Variants in RGSL1 observed in about 807,000 individuals in gnomAD.
RGSL1 encodes regulator of G protein signaling like 1, also known as regulator of G protein signaling protein-like.
In RGSL1, 97 loss-of-function variants were observed where a neutral mutation model predicts 124.7. The observed-to-expected ratio is 0.78, with a 90% CI of 0.66 to 0.92. The LOEUF is 0.92. Among genes scored for constraint, RGSL1 ranks in the 40% least tolerant of loss-of-function variants. The pLI, the probability that RGSL1 is intolerant of heterozygous loss-of-function variation, is 0.00. For synonymous variants in RGSL1, 424 were observed against 438.1 expected, an observed-to-expected ratio of 0.97 and a Z score of 0.40; for missense variants, 1,233 against 1,288.4, an observed-to-expected ratio of 0.96 and a Z score of 0.66.
At chr1:182,453,446 G>A (rs1387591860) in intron 1 of RGSL1, 1 of 153,892 alleles carries the variant, frequency 6.5e-6, no homozygotes, top group Admixed American at 6.4e-5. Flanking sequence ...AGCATTTGAA[G>A]TATTTCAGTT....
intron 18 of RGSL1, 59 bp from the exon 19 acceptor site, chr1:182,553,396 A>G (rs1571722652): frequency 7.7e-7 from 1 of 1,302,214 alleles, no homozygotes; most frequent in East Asian, 2.5e-5. Context: ...ACTTAGAGAG[A>G]TTTATTTCAG....
upstream of RGSL1, chr1:182,448,073 G>C (rs1047569819): frequency 6.6e-6 from 1 of 151,974 alleles, no homozygotes; most frequent in Admixed American, 6.6e-5. Context: ...GAGACCTGCT[G>C]TCATTTCCAG....
chr1:182,477,381 A>G (rs1430428521), intron 6 of RGSL1, among the ~76,000 whole-genome samples: 8 of 152,194 alleles, frequency 5.3e-5, no homozygotes. Context: ...TTTCGGTCTC[A>G]TTAGACACGG....
At chr1:182,486,490 G>A (rs981478920) in intron 6 of RGSL1, among the ~76,000 whole-genome samples, 2 of 151,542 alleles carry the variant, frequency 1.3e-5, no homozygotes, top group African/African-American at 4.8e-5. Flanking sequence ...ATAGGTGCAC[G>A]CCACCATGCC....
intron 18 of RGSL1, among the ~76,000 whole-genome samples, chr1:182,551,730 A>T (rs565670897): frequency 7.5e-6 from 1 of 133,156 alleles, no homozygotes; most frequent in Admixed American, 7.6e-5. Flanking sequence ...ATAAGTAAAT[A>T]TGCATACATA....
chr1:182,502,020 G>A (rs540251596), intron 9 of RGSL1, among the ~76,000 whole-genome samples: 1 of 152,064 alleles, frequency 6.6e-6, no homozygotes, highest in Non-Finnish European at 1.5e-5. Context: ...CCATAAAATT[G>A]TTTATAGTAG....
Position 182,552,304 on chromosome 1 carries a change from G to A in RGSL1, c.3043+1095G>A, listed in dbSNP as rs529104002. On this transcript the variant is annotated intron_variant, in intron 18 of 21. Transcript: ENST00000294854. ...AATTTTTCGTATTTTTAGTAGAGAC[G>A]GGGGTTTCACCATGTTAGCCAGGAT... Among the ~76,000 whole-genome samples the A allele has an allele frequency of 2.0e-5, 3 of 151,986 alleles. No homozygotes were observed. In the East Asian group the frequency reaches 5.8e-4, roughly 30 times the overall value.
intron 15 of RGSL1, among the ~76,000 whole-genome samples, chr1:182,542,416 G>A (rs1659951955): frequency 6.6e-6 from 1 of 152,136 alleles, no homozygotes; most frequent in Admixed American, 6.6e-5. Context: ...CTGTTCCACA[G>A]GTCTATGTGT....
intron 9 of RGSL1, among the ~76,000 whole-genome samples, chr1:182,514,739 G>C (rs551025173): frequency 1.3e-5 from 2 of 152,254 alleles, no homozygotes; most frequent in Admixed American, 1.3e-4. Context: ...GACTGAAGCT[G>C]GATAGGACCT....
At chr1:182,553,832 C>A (rs1344403450) in intron 19 of RGSL1, among the ~76,000 whole-genome samples, 1 of 152,108 alleles carries the variant, frequency 6.6e-6, no homozygotes, top group African/African-American at 2.4e-5. Flanking sequence ...TCTGCTGACT[C>A]CTCTTCTCAT....
At chr1:182,532,039 C>T (rs753751225) in intron 13 of RGSL1, among the ~76,000 whole-genome samples, 2 of 152,116 alleles carry the variant, frequency 1.3e-5, no homozygotes, top group Non-Finnish European at 2.9e-5. Context: ...TGTTGTTTCC[C>T]TCTCTGTAGA....
Position 182,540,418 on chromosome 1 carries a change from A to C in RGSL1, c.2666A>C (p.Glu889Ala). 1 of 1,549,742 alleles carries C rather than the reference A, an allele frequency of 6.5e-7. No individual in the cohort carries two copies. The highest frequency in any genetic ancestry group is 8.7e-7 in the Non-Finnish European group (1 of 1,146,008). ...GATCTATATTTCTTTTCTGAAATGG[A>C]GAAGTAAGTTTTCCACTTCTCCTTC... is the stretch of plus-strand genomic sequence containing the variant. ...INDLYFFSEM[E>A]KFNDLVSSAH... The change falls in exon 15 of 22, where the codon GAG becomes GCG. Residue 889 changes from glutamate (E) to alanine (A), a missense_variant. Glu to Ala is a moderately radical substitution (Grantham distance 107). Coordinates refer to ENST00000294854, the MANE Select transcript of RGSL1 (RefSeq NM_001137669.2).
chr1:182,548,876 T>A (rs752606561), intron 17 of RGSL1, 52 bp downstream of exon 17: 7 of 1,540,696 alleles, frequency 4.5e-6, no homozygotes, highest in Non-Finnish European at 6.1e-6. Context: ...ACACACTTAG[T>A]TTGGAGAGAG....
In RGSL1 at chr1:182,554,760, T is replaced by C. The variant is rs748236174; in HGVS notation, c.3197+67T>C. ...CTATGTCCAAGCATGCAATAGGAGA[T>C]GGTATAAACTTTCCAGAGACTAGCC... is the stretch of plus-strand genomic sequence containing the variant. On this transcript the variant is annotated intron_variant, in intron 20 of 21. Transcript: ENST00000294854. 70 of 1,461,832 alleles carry C rather than the reference T, an allele frequency of 4.8e-5. No individual in the cohort carries two copies. The Middle Eastern group carries it at 7.3e-4, about 15-fold the overall frequency. The allele number at this position is 1,461,832 out of a possible 1,614,324, so 90.6% of individuals were successfully genotyped here.
intron 15 of RGSL1, among the ~76,000 whole-genome samples, chr1:182,548,035 G>A (rs1000876656): frequency 2.0e-5 from 3 of 152,182 alleles, no homozygotes; most frequent in Admixed American, 6.5e-5. Context: ...CATTAGAGGT[G>A]CAATGCTGTA....
intron 9 of RGSL1, among the ~76,000 whole-genome samples, chr1:182,499,521 TG>T (rs1314888646): frequency 1.3e-5 from 2 of 152,256 alleles, no homozygotes; most frequent in African/African-American, 4.8e-5. Flanking sequence ...GTTTTCCATT[TG>T]CTTGGTAGAT....
chr1:182,504,196 G>T (rs750146611), intron 9 of RGSL1, among the ~76,000 whole-genome samples: 23 of 151,938 alleles, frequency 1.5e-4, no homozygotes, highest in Non-Finnish European at 2.5e-4. Flanking sequence ...GGCCAGACTG[G>T]TCTCGAACTC....
chr1:182,530,855 A>G lies in RGSL1; in HGVS notation c.2309A>G (p.Gln770Arg). The G allele has an allele frequency of 7.7e-6, 12 of 1,550,344 alleles. No individual in the cohort carries two copies. Among genetic ancestry groups the G allele is most frequent in the Non-Finnish European group, 9.6e-6 (11 of 1,146,194 alleles). Residue 770 changes from glutamine to arginine, a missense_variant, in exon 13 of 22, where the codon CAA (glutamine) becomes CGA (arginine). Physicochemically the swap from Gln to Arg is conservative, Grantham distance 43 (BLOSUM62 1). Transcript: ENST00000294854. ...GAGGTGGAAGTGCAAAGTGAAGTACAAATTTCGTCTAGGAAGCCCTCAAAG... is the reference window on the plus strand; with the variant it reads ...GAGGTGGAAGTGCAAAGTGAAGTACGAATTTCGTCTAGGAAGCCCTCAAAG... Reference protein sequence around the residue: ...HQEVEVQSEVQISSRKPSKIV... With the variant: ...HQEVEVQSEVRISSRKPSKIV...
At chr1:182,468,042 G>A (rs533056868) in intron 4 of RGSL1, among the ~76,000 whole-genome samples, 1 of 152,310 alleles carries the variant, frequency 6.6e-6, no homozygotes, top group Non-Finnish European at 1.5e-5. Context: ...GGCCATCAGA[G>A]AAATGCAAAT....
Sources: gnomAD v4.1 joint callset for allele counts (sites outside exome capture counted in the v4.1 genomes callset) on GRCh38, gnomAD v4.1.1 for gene constraint, MANE v1.5 for transcripts, NCBI Gene and HGNC (gene_info 2026-07-23, HGNC 2026-07-21) for gene names.